Variants in TCF4 observed in about 807,000 individuals in gnomAD.
TCF4 encodes the protein transcription factor 4.
A neutral mutation model predicts 82.1 loss-of-function variants in TCF4; 3 were observed. The observed-to-expected ratio is 0.04, with a 90% CI of 0.02 to 0.09. The LOEUF is 0.09. Among genes scored for constraint, TCF4 ranks in the 10% least tolerant of loss-of-function variants. The pLI is 1.00. For missense variants in TCF4, 518 were observed against 852.7 expected (o/e 0.61, Z 4.89); for synonymous variants, 276 against 309.6 (o/e 0.89, Z 1.14).
At chr18:55,236,709 C>T (rs2144760987) in intron 15 of TCF4, among the ~76,000 whole-genome samples, 1 of 152,298 alleles carries the variant, frequency 6.6e-6, no homozygotes, top group African/African-American at 2.4e-5. Flanking sequence ...TCTAAGATGT[C>T]AACTTGTAAG....
At chr18:55,246,479 T>C (rs1422536608) in intron 15 of TCF4, among the ~76,000 whole-genome samples, 1 of 152,046 alleles carries the variant, frequency 6.6e-6, no homozygotes, top group Non-Finnish European at 1.5e-5. Flanking sequence ...GAAGGGGAAA[T>C]ACCTAAGGTG....
At chr18:55,618,847 A>G (rs2097714831) in intron 2 of TCF4, among the ~76,000 whole-genome samples, 1 of 151,400 alleles carries the variant, frequency 6.6e-6, no homozygotes, top group Non-Finnish European at 1.5e-5. Flanking sequence ...TCAACTTCCT[A>G]AAGTGCTGGG....
In TCF4 at chr18:55,620,940, T is replaced by A. The variant is rs143411524; in HGVS notation, c.286+10358A>T. Among the ~76,000 whole-genome samples, 712 of 152,220 alleles carry A rather than the reference T, an allele frequency of 4.7e-3. 6 individuals are homozygous for A. The highest frequency in any genetic ancestry group is 0.014 in the Middle Eastern group (4 of 294). On this transcript the variant is annotated intron_variant, in intron 2 of 20. Coordinates refer to the TCF4 transcript ENST00000398339. ...TGTGATTTTCCTTAGAAAATTATAA[T>A]ACCACTTTTGTAGTGGCTGAAAGAA...
intron 8 of TCF4, among the ~76,000 whole-genome samples, chr18:55,330,828 A>G (rs1308023470): frequency 6.6e-6 from 1 of 152,168 alleles, no homozygotes; most frequent in African/African-American, 2.4e-5. Context: ...CGGCCTCCCA[A>G]AGTGCTAGAA....
intron 8 of TCF4, among the ~76,000 whole-genome samples, chr18:55,282,197 CA>C (rs2062757585): frequency 6.6e-6 from 1 of 151,848 alleles, no homozygotes; most frequent in African/African-American, 2.4e-5. Context: ...AAATAAATAT[CA>C]CATATAACTA....
intron 6 of TCF4, among the ~76,000 whole-genome samples, chr18:55,376,904 C>T (rs1357518794): frequency 2.0e-5 from 3 of 152,192 alleles, no homozygotes; most frequent in Non-Finnish European, 4.4e-5. Flanking sequence ...CATTTAAGGG[C>T]TTAGCTTTCC....
rs1391217585 is a variant in TCF4, at chr18:55,302,494, T to G, written c.550-22838A>C. On this transcript the variant is annotated intron_variant, in intron 8 of 19. Transcript: ENST00000354452. ...ATTGTTTAAATTTCATCCTGTGGTG[T>G]TGTTTGCTGATTGGTCAGACATGGC... The G allele has an allele frequency of 1.3e-5, 20 of 1,536,032 alleles. No individual in the cohort carries two copies. The Admixed American group carries it at 2.0e-4, about 15-fold the overall frequency.
intron 3 of TCF4, among the ~76,000 whole-genome samples, chr18:55,481,550 G>T (rs1352184323): frequency 1.3e-5 from 2 of 152,194 alleles, no homozygotes; most frequent in African/African-American, 4.8e-5. Context: ...CAAAAGTGAA[G>T]AACACCTGGA....
At chr18:55,472,915 T>C (rs1355437923) in intron 3 of TCF4, among the ~76,000 whole-genome samples, 2 of 152,210 alleles carry the variant, frequency 1.3e-5, no homozygotes, top group Non-Finnish European at 2.9e-5. Flanking sequence ...AGGTAGATAC[T>C]TTAGAAAACA....
At chr18:55,468,717 C>G (rs2096089421) in intron 3 of TCF4, among the ~76,000 whole-genome samples, 1 of 152,086 alleles carries the variant, frequency 6.6e-6, no homozygotes, top group African/African-American at 2.4e-5. Context: ...TGAGTTAAAA[C>G]AGCAGAAAGT....
At chr18:55,614,156 A>G (rs539666597) in intron 2 of TCF4, among the ~76,000 whole-genome samples, 4 of 152,272 alleles carry the variant, frequency 2.6e-5, no homozygotes, top group Middle Eastern at 3.4e-3. Context: ...TAGCCTTCCA[A>G]TGTGCGGGGA....
chr18:55,416,275 A>G (rs907199453), intron 5 of TCF4, among the ~76,000 whole-genome samples: 16 of 152,204 alleles, frequency 1.1e-4, no homozygotes, highest in Non-Finnish European at 2.2e-4. Context: ...AAAGCACCAA[A>G]TTAAAATGAA....
intron 3 of TCF4, among the ~76,000 whole-genome samples, chr18:55,470,406 C>T (rs1356596492): frequency 6.6e-6 from 1 of 152,150 alleles, no homozygotes; most frequent in Non-Finnish European, 1.5e-5. Context: ...TCTCCGTGAC[C>T]CTGTATAACA....
At position 55,413,856 on chromosome 18, in the gene TCF4, T is replaced by C. The variant is rs1040934512; in HGVS notation, c.305-10338A>G. On this transcript the variant is annotated intron_variant, in intron 5 of 19. Coordinates refer to ENST00000354452, the MANE Select transcript of TCF4 (RefSeq NM_001083962.2). ...TTTTAATCCTGAAACTTGCAAAAAT[T>C]ATCATCTGAATAGTGGTGAATGAGG... Among the ~76,000 whole-genome samples, 9 of 152,204 alleles carry C rather than the reference T, an allele frequency of 5.9e-5. No homozygotes were observed. In the South Asian group the frequency reaches 1.7e-3, roughly 28 times the overall value.
chr18:55,479,844 T>A (rs920104684), intron 3 of TCF4, among the ~76,000 whole-genome samples: 2 of 152,166 alleles, frequency 1.3e-5, no homozygotes, highest in African/African-American at 4.8e-5. Context: ...AAAACAGACT[T>A]CCGTGAATTC....
chr18:55,625,428 G>A (rs753796372), intron 2 of TCF4, among the ~76,000 whole-genome samples: 18 of 151,992 alleles, frequency 1.2e-4, no homozygotes, highest in Non-Finnish European at 2.5e-4. Flanking sequence ...TAGTAGAGAC[G>A]GGGTTTCACC....
intron 3 of TCF4, among the ~76,000 whole-genome samples, chr18:55,521,782 T>G (rs2096935416): frequency 6.6e-6 from 1 of 152,228 alleles, no homozygotes; most frequent in Non-Finnish European, 1.5e-5. Context: ...TCCTCAGGAT[T>G]TGTCATCCTC....
At chr18:55,364,622 C>CT (rs1173132983) in intron 6 of TCF4, among the ~76,000 whole-genome samples, 1 of 152,172 alleles carries the variant, frequency 6.6e-6, no homozygotes, top group Non-Finnish European at 1.5e-5. Flanking sequence ...CTCTCTTGAA[C>CT]TTTGTTTACT....
At chr18:55,371,742 T>C (rs914311310) in intron 6 of TCF4, among the ~76,000 whole-genome samples, 1 of 152,114 alleles carries the variant, frequency 6.6e-6, no homozygotes, top group African/African-American at 2.4e-5. Context: ...CCTCTGCACC[T>C]AGCACGTGTC....
Sources: gnomAD v4.1 joint callset for allele counts (sites outside exome capture counted in the v4.1 genomes callset) on GRCh38, gnomAD v4.1.1 for gene constraint, MANE v1.5 for transcripts, NCBI Gene and HGNC (gene_info 2026-07-23, HGNC 2026-07-21) for gene names.